PRDM16: variants seen among roughly 807,000 people sequenced by gnomAD.
PRDM16 encodes PR/SET domain 16, also known as histone-lysine N-methyltransferase PRDM16.
A neutral mutation model predicts 110.6 loss-of-function variants in PRDM16; 23 were observed. The ratio of observed to expected loss-of-function variants is 0.21; its 90% CI spans 0.15 to 0.29. The LOEUF is 0.29. PRDM16 is among the 10% of genes least tolerant of loss of function. The probability of loss-of-function intolerance (pLI) is 1.00; values close to 1 mark genes in which losing one functional copy is unlikely to be tolerated. For missense variants in PRDM16, 1,615 were observed against 1,794.3 expected (o/e 0.90, Z 1.81); for synonymous variants, 799 against 781.8 (o/e 1.02, Z -0.37).
rs893324257 is a variant in PRDM16 at position 3,143,484 on chromosome 1, TATC to T, written c.38-42638_38-42636del. On this transcript the variant is annotated intron_variant, in intron 1 of 16. Transcript: ENST00000270722. This position sits in a 1 kb window ranked among gnomAD's most constrained non-coding sequence, Gnocchi z 4.5. ...GAAACTTTATTATTAGTATTATTAT[TATC>T]ATTTTTGTGAGATGGAGTCTTGCTC... 1.3e-5 allele frequency among the ~76,000 whole-genome samples: 2 copies of T among 152,148 alleles called. No homozygotes were observed. The highest frequency in any genetic ancestry group is 4.8e-5 in the African/African-American group (2 of 41,430).
At chr1:3,349,629 G>A (rs1642440511) in intron 3 of PRDM16, among the ~76,000 whole-genome samples, 4 of 152,208 alleles carry the variant, frequency 2.6e-5, no homozygotes, top group Admixed American at 6.5e-5. Flanking sequence ...AGCCGAGGCA[G>A]CCCGGCAGAG....
chr1:3,179,937 G>C (rs1013163153), intron 1 of PRDM16, among the ~76,000 whole-genome samples: 4 of 152,086 alleles, frequency 2.6e-5, no homozygotes, highest in Non-Finnish European at 5.9e-5. Flanking sequence ...CACCGGATTT[G>C]TTTGCTCCAT....
chr1:3,355,275 G>T (rs1424090058), intron 3 of PRDM16, among the ~76,000 whole-genome samples: 1 of 152,150 alleles, frequency 6.6e-6, no homozygotes, highest in East Asian at 1.9e-4. Flanking sequence ...GGCCTCCGGG[G>T]TATCAGGTAC....
rs1569686325 is a variant in PRDM16 at position 3,146,980 on chromosome 1, G to A, written c.38-39145G>A. ...TGTGTGCACGTGTGCTCGGTGTGGG[G>A]TGTGTGTGCATGTGTGTGCTTGGTG... On this transcript the variant is annotated intron_variant, in intron 1 of 16. Coordinates refer to ENST00000270722, the MANE Select transcript of PRDM16 (RefSeq NM_022114.4). Among the ~76,000 whole-genome samples the A allele has an allele frequency of 1.5e-5, 2 of 131,482 alleles. 1 individual carries two copies. 86.3% of individuals were successfully genotyped at this position (131,482 alleles called of 152,430 possible). A position where few individuals can be genotyped will look rare whatever the true frequency, so the allele number is the denominator to read the frequency against.
chr1:3,094,000 C>T (rs974856823), intron 1 of PRDM16, among the ~76,000 whole-genome samples: 5 of 152,238 alleles, frequency 3.3e-5, no homozygotes, highest in African/African-American at 1.2e-4. Context: ...TGTGGTCAGG[C>T]TGCTGTGTTT....
At chr1:3,275,638 C>T (rs868430489) in intron 3 of PRDM16, among the ~76,000 whole-genome samples, 10 of 152,212 alleles carry the variant, frequency 6.6e-5, no homozygotes, top group Admixed American at 1.3e-4. Context: ...GCCGGTCCTG[C>T]CCAGTGCTCC....
rs373883664 is a variant in PRDM16, at chr1:3,425,732, G to A, written c.3091G>A (p.Glu1031Lys). The A allele has an allele frequency of 1.7e-5, 28 of 1,613,538 alleles. No individual in the cohort carries two copies. Among genetic ancestry groups the A allele is most frequent in the East Asian group, 2.2e-5 (1 of 44,874 alleles). ...TNLDRHLKKHEHENAPVSQHP... is the reference protein window; with the variant it reads ...TNLDRHLKKHKHENAPVSQHP... Reference sequence around the variant, plus strand: ...CCTGGACCGGCACCTCAAGAAGCACGAGCACGAGAACGCACCAGGTGGGCC... The same window carrying A: ...CCTGGACCGGCACCTCAAGAAGCACAAGCACGAGAACGCACCAGGTGGGCC... Residue 1031 changes from glutamate to lysine, a missense_variant, in exon 13 of 17, where the codon GAG (glutamate) becomes AAG (lysine). Coordinates refer to ENST00000270722, the MANE Select transcript of PRDM16 (RefSeq NM_022114.4). The surrounding 1 kb of genome is among the most constrained non-coding windows in gnomAD (Gnocchi z 6.9).
chr1:3,324,036 G>A (rs76734579), intron 3 of PRDM16, among the ~76,000 whole-genome samples: 11,749 of 152,220 alleles, frequency 0.077, 1,402 homozygotes, highest in African/African-American at 0.26. Context: ...CCCTCCCTCC[G>A]TCTGGGTTGG....
intron 3 of PRDM16, among the ~76,000 whole-genome samples, chr1:3,315,452 G>A (rs962662063): frequency 3.9e-5 from 6 of 152,126 alleles, no homozygotes; most frequent in South Asian, 2.1e-4. Context: ...AAGGAGGGCC[G>A]GGTAGGAAGA....
chr1:3,365,341 GGGGGCTGTCCCT>G (rs1642790098), intron 3 of PRDM16, among the ~76,000 whole-genome samples: 1 of 152,216 alleles, frequency 6.6e-6, no homozygotes, highest in Non-Finnish European at 1.5e-5. Flanking sequence ...CCCCTGGGCT[GGGGGCTGTCCCT>G]GCCCCTGAGG....
rs1209578057 is a variant in PRDM16 at position 3,434,727 on chromosome 1, AG to A, written c.*919del. Reference sequence around the variant, plus strand: ...ATCCCTCAATTATATGGGGAAGTCGAGGGCCTGTGGCTTGGATCCGCCATGC... The same window carrying A: ...ATCCCTCAATTATATGGGGAAGTCGAGGCCTGTGGCTTGGATCCGCCATGC... On this transcript the variant is annotated 3_prime_UTR_variant, in exon 17 of 17. Coordinates refer to ENST00000270722, the MANE Select transcript of PRDM16 (RefSeq NM_022114.4). 1 of 232,424 alleles carries A rather than the reference AG, an allele frequency of 4.3e-6. No individual in the cohort carries two copies. Among genetic ancestry groups the A allele is most frequent in the Non-Finnish European group, 8.5e-6 (1 of 117,584 alleles). 14.4% of individuals were successfully genotyped at this position (232,424 alleles called of 1,614,324 possible).
intron 1 of PRDM16, among the ~76,000 whole-genome samples, chr1:3,166,436 G>A (rs970511321): frequency 6.6e-5 from 10 of 152,216 alleles, no homozygotes; most frequent in Non-Finnish European, 1.0e-4. Context: ...AGGCGCGTCC[G>A]GGCGAGGCTC....
At chr1:3,355,836 C>G (rs927775872) in intron 3 of PRDM16, among the ~76,000 whole-genome samples, 1 of 152,188 alleles carries the variant, frequency 6.6e-6, no homozygotes, top group African/African-American at 2.4e-5. Context: ...GAGGCCAGTC[C>G]TGCCCGCCCA....
chr1:3,278,214 G>A (rs555857169), intron 3 of PRDM16, among the ~76,000 whole-genome samples: 3 of 152,352 alleles, frequency 2.0e-5, no homozygotes, highest in South Asian at 4.1e-4. Flanking sequence ...CTGGGGCAGA[G>A]AAGACCCCCT....
chr1:3,125,265 G>A (rs932819166), intron 1 of PRDM16, among the ~76,000 whole-genome samples: 5 of 152,254 alleles, frequency 3.3e-5, no homozygotes, highest in African/African-American at 2.4e-5. Flanking sequence ...CTTAGCGGAC[G>A]GCCCAGCCCC....
In PRDM16 at chr1:3,241,550, A is replaced by G. The variant is rs559375950; in HGVS notation, c.388-2537A>G. On this transcript the variant is annotated intron_variant, in intron 2 of 16. Coordinates refer to ENST00000270722, the MANE Select transcript of PRDM16 (RefSeq NM_022114.4). ...TGCGTCGCATGTAACGCCTTCAACT[A>G]TTGGGGCCGGTGTTGGAGCATCCGT... is the stretch of plus-strand genomic sequence containing the variant. 2.8e-4 allele frequency among the ~76,000 whole-genome samples: 43 copies of G among 152,210 alleles called. No homozygotes were observed. In the South Asian group the frequency reaches 8.1e-3, roughly 29 times the overall value.
At chr1:3,349,835 T>C (rs1642445801) in intron 3 of PRDM16, among the ~76,000 whole-genome samples, 1 of 152,170 alleles carries the variant, frequency 6.6e-6, no homozygotes, top group Non-Finnish European at 1.5e-5. Context: ...TTGAGGAGCC[T>C]CCAGCCCTCA....
intron 2 of PRDM16, among the ~76,000 whole-genome samples, chr1:3,232,056 C>T (rs529820024): frequency 3.3e-5 from 5 of 152,378 alleles, no homozygotes; most frequent in South Asian, 2.1e-4. Flanking sequence ...CCTTCACGCA[C>T]GGTGGTCTCG....
chr1:3,324,087 A>G (rs1262036258), intron 3 of PRDM16, among the ~76,000 whole-genome samples: 5 of 151,996 alleles, frequency 3.3e-5, no homozygotes, highest in Non-Finnish European at 7.4e-5. Flanking sequence ...CCTCCTGGAC[A>G]CTCCTGCCAG....
Sources: gnomAD v4.1 joint callset for allele counts (sites outside exome capture counted in the v4.1 genomes callset) on GRCh38, gnomAD v4.1.1 for gene constraint, Gnocchi (gnomAD v3.1) non-coding constraint, MANE v1.5 for transcripts, NCBI Gene and HGNC (gene_info 2026-07-23, HGNC 2026-07-21) for gene names.